The following CTNNA2 variants were observed in gnomAD, a reference collection of about 807,000 sequenced individuals.
CTNNA2 encodes the protein catenin alpha 2.
In CTNNA2, 42 loss-of-function variants were observed where a neutral mutation model predicts 101.0. The observed-to-expected ratio is 0.42, with a 90% CI of 0.32 to 0.54. CTNNA2 has a LOEUF of 0.54. Ranked by LOEUF, CTNNA2 falls within the 20% of genes least tolerant of loss-of-function variation. The probability of loss-of-function intolerance (pLI) is 0.14; values close to 1 mark genes in which losing one functional copy is unlikely to be tolerated. For synonymous variants in CTNNA2, 450 were observed against 456.4 expected (o/e 0.99, Z 0.18); for missense variants, 871 against 1,223.1 (o/e 0.71, Z 4.29).
chr2:80,418,701 G>A (rs1344243668), intron 8 of CTNNA2, among the ~76,000 whole-genome samples: 1 of 152,024 alleles, frequency 6.6e-6, no homozygotes, highest in Non-Finnish European at 1.5e-5. Flanking sequence ...TTATTTTTAT[G>A]TATATCCCAT....
At chr2:80,308,393 T>C (rs1373512384) in intron 7 of CTNNA2, among the ~76,000 whole-genome samples, 1 of 152,186 alleles carries the variant, frequency 6.6e-6, no homozygotes, top group Non-Finnish European at 1.5e-5. Context: ...CTTTATGCTG[T>C]TGTCTTTAAT....
chr2:80,594,174 T>C (rs1334900152), intron 15 of CTNNA2, among the ~76,000 whole-genome samples: 1 of 152,166 alleles, frequency 6.6e-6, no homozygotes, highest in African/African-American at 2.4e-5. Context: ...TTTTTCTTGA[T>C]AGTAGCCATC....
At chr2:79,774,326 C>G (rs1489377289) in intron 3 of CTNNA2, among the ~76,000 whole-genome samples, 1 of 152,192 alleles carries the variant, frequency 6.6e-6, no homozygotes, top group Non-Finnish European at 1.5e-5. Flanking sequence ...TTTGAACCTT[C>G]TAGCCTAGCT....
intron 3 of CTNNA2, among the ~76,000 whole-genome samples, chr2:79,369,173 C>G (rs552214667): frequency 6.6e-6 from 1 of 152,216 alleles, no homozygotes; most frequent in East Asian, 1.9e-4. Context: ...GTGAGAGGCC[C>G]TCAGTCATCC....
chr2:80,345,354 A>G (rs1185736929), intron 7 of CTNNA2, among the ~76,000 whole-genome samples: 1 of 152,098 alleles, frequency 6.6e-6, no homozygotes. Context: ...CCCTTGCCCC[A>G]CTGACATTCA....
chr2:80,085,444 A>G (rs1206065070), intron 7 of CTNNA2, among the ~76,000 whole-genome samples: 1 of 152,074 alleles, frequency 6.6e-6, no homozygotes. Flanking sequence ...GAGAACACAA[A>G]CATTTCCGAA....
intron 8 of CTNNA2, among the ~76,000 whole-genome samples, chr2:80,400,354 G>A (rs764178780): frequency 3.3e-5 from 5 of 152,012 alleles, no homozygotes; most frequent in Non-Finnish European, 7.4e-5. Context: ...TGCAGGCTCT[G>A]CCATGCCTAC....
intron 7 of CTNNA2, among the ~76,000 whole-genome samples, chr2:80,025,161 G>C (rs1189567833): frequency 6.6e-6 from 1 of 152,156 alleles, no homozygotes; most frequent in African/African-American, 2.4e-5. Flanking sequence ...GTGGAGCTTG[G>C]GGTTTTTATG....
At chr2:80,541,833 A>G (rs1573198942) in intron 9 of CTNNA2, among the ~76,000 whole-genome samples, 1 of 119,868 alleles carries the variant, frequency 8.3e-6, no homozygotes. Flanking sequence ...CACAGATGCA[A>G]GAAAGTGTTT....
intron 7 of CTNNA2, among the ~76,000 whole-genome samples, chr2:80,340,659 G>T (rs1672145708): frequency 2.6e-5 from 4 of 152,050 alleles, no homozygotes; most frequent in African/African-American, 7.2e-5. Context: ...CTCCTGTGTG[G>T]GACCTAGAAC....
intron 7 of CTNNA2, among the ~76,000 whole-genome samples, chr2:80,290,481 G>C (rs187301448): frequency 7.2e-5 from 11 of 151,890 alleles, no homozygotes; most frequent in Non-Finnish European, 1.5e-4. Context: ...TGAGGCTCCC[G>C]TGATGCTTTT....
At chr2:79,270,201 T>C (rs1479045860) in intron 2 of CTNNA2, among the ~76,000 whole-genome samples, 8 of 152,196 alleles carry the variant, frequency 5.3e-5, no homozygotes, top group African/African-American at 1.9e-4. Context: ...GGGTAAATTT[T>C]GAGATGTGAA....
At chr2:80,261,805 C>G (rs1264941020) in intron 7 of CTNNA2, among the ~76,000 whole-genome samples, 1 of 152,136 alleles carries the variant, frequency 6.6e-6, no homozygotes, top group Non-Finnish European at 1.5e-5. Flanking sequence ...TAGTCTAAAT[C>G]CAACATGAAA....
intron 9 of CTNNA2, among the ~76,000 whole-genome samples, chr2:80,423,001 C>T (rs1680663984): frequency 6.6e-6 from 1 of 152,002 alleles, no homozygotes; most frequent in South Asian, 2.1e-4. Context: ...GTCCATAATA[C>T]ATTTGTATTT....
Position 79,740,269 on chromosome 2 carries a change from G to A in CTNNA2, c.103-4118G>A, listed in dbSNP as rs74348744. Among the ~76,000 whole-genome samples, 6 of 152,066 alleles carry A rather than the reference G, an allele frequency of 3.9e-5. No individual in the cohort carries two copies. In the South Asian group the frequency reaches 6.2e-4, roughly 16 times the overall value. ...TTGTAAGTGAGAACATGCAGTATTCGATTTTGTTTGCTAAGGATAATGTCC... is the reference window on the plus strand; with the variant it reads ...TTGTAAGTGAGAACATGCAGTATTCAATTTTGTTTGCTAAGGATAATGTCC... On this transcript the variant is annotated intron_variant, in intron 2 of 18. Coordinates refer to ENST00000402739, the MANE Select transcript of CTNNA2 (RefSeq NM_001282597.3).
At chr2:79,354,983 G>T (rs1677476388) in intron 3 of CTNNA2, among the ~76,000 whole-genome samples, 1 of 152,180 alleles carries the variant, frequency 6.6e-6, no homozygotes, top group Admixed American at 6.5e-5. Context: ...CATCCATCTT[G>T]TCCTGCTATC....
chr2:80,232,340 TGTTTG>T lies in CTNNA2; in HGVS notation c.1057-160870_1057-160866del, dbSNP rs1558926363. Among the ~76,000 whole-genome samples, 260 of 69,638 alleles carry T rather than the reference TGTTTG, an allele frequency of 3.7e-3. 3 individuals carry two copies. Among genetic ancestry groups the T allele is most frequent in the South Asian group, 8.9e-3 (13 of 1,468 alleles). 45.7% of individuals were successfully genotyped at this position (69,638 alleles called of 152,430 possible). On this transcript the variant is annotated intron_variant, in intron 7 of 18. Coordinates refer to ENST00000402739, the MANE Select transcript of CTNNA2 (RefSeq NM_001282597.3). ...TTTGGGTTTTGTTTGTTTGTTTGTT[TGTTTG>T]TTTTTTTTTTTTTTTTTTTTTTTTT...
chr2:79,941,520 G>A (rs10179436), intron 7 of CTNNA2, among the ~76,000 whole-genome samples: 2,336 of 152,280 alleles, frequency 0.015, 66 homozygotes, highest in African/African-American at 0.054. Context: ...CAAGTAGCAG[G>A]AATCCCCACT....
intron 9 of CTNNA2, among the ~76,000 whole-genome samples, chr2:80,504,031 A>G (rs768855353): frequency 6.6e-6 from 1 of 152,186 alleles, no homozygotes; most frequent in Non-Finnish European, 1.5e-5. Flanking sequence ...GCCTAAAACA[A>G]CATAAAATGT....
Sources: gnomAD v4.1 joint callset for allele counts (sites outside exome capture counted in the v4.1 genomes callset) on GRCh38, gnomAD v4.1.1 for gene constraint, MANE v1.5 for transcripts, NCBI Gene and HGNC (gene_info 2026-07-23, HGNC 2026-07-21) for gene names.